NSF: variants seen among roughly 807,000 people sequenced by gnomAD.
NSF encodes the protein N-ethylmaleimide sensitive factor, vesicle fusing ATPase, also known as vesicle-fusing ATPase.
NSF carries 14 observed loss-of-function variants against 50.3 expected under a neutral mutation model. The ratio of observed to expected loss-of-function variants is 0.28; its 90% confidence interval spans 0.18 to 0.44. The LOEUF (loss-of-function observed/expected upper bound fraction) is 0.44. Among genes scored for constraint, NSF ranks in the 20% least tolerant of loss-of-function variants. The probability of loss-of-function intolerance (pLI) is 1.00; values close to 1 mark genes in which losing one functional copy is unlikely to be tolerated. For missense variants in NSF, 218 were observed against 504.3 expected (o/e 0.43, Z 5.44); for synonymous variants, 109 against 175.7 (o/e 0.62, Z 3.00).
intron 15 of NSF, among the ~76,000 whole-genome samples, chr17:46,725,185 A>G (rs909230979): frequency 6.6e-6 from 1 of 152,212 alleles, no homozygotes; most frequent in Admixed American, 6.5e-5. Context: ...TTATGGCAAG[A>G]TGGAATTGGA....
chr17:46,752,294 A>C (rs1449904567), intron 19 of NSF, among the ~76,000 whole-genome samples: 1 of 152,064 alleles, frequency 6.6e-6, no homozygotes, highest in African/African-American at 2.4e-5. Context: ...CCACCCTTCC[A>C]TGTGCCCATG....
intron 19 of NSF, among the ~76,000 whole-genome samples, chr17:46,752,630 A>AT (rs1199056310): frequency 2.6e-5 from 4 of 151,922 alleles, no homozygotes; most frequent in Non-Finnish European, 5.9e-5. Context: ...TAATTTTTGT[A>AT]TTTTTTGTAG....
chr17:46,731,548 T>C (rs2058948951), intron 17 of NSF, among the ~76,000 whole-genome samples: 1 of 152,176 alleles, frequency 6.6e-6, no homozygotes. Context: ...GCTACTTAAA[T>C]GATGAAAGGA....
intron 9 of NSF, among the ~76,000 whole-genome samples, chr17:46,685,511 A>G (rs2058489196): frequency 6.6e-6 from 1 of 151,974 alleles, no homozygotes; most frequent in Non-Finnish European, 1.5e-5. Context: ...TTAAATATAG[A>G]ACAGCCGCTT....
At chr17:46,712,848 A>T in intron 14 of NSF, among the ~76,000 whole-genome samples, 1 of 152,192 alleles carries the variant, frequency 6.6e-6, no homozygotes, top group Non-Finnish European at 1.5e-5. Flanking sequence ...TGTGTGTTAC[A>T]GAAGCCAAGA....
At chr17:46,718,544 A>C (rs1056484211) in intron 15 of NSF, among the ~76,000 whole-genome samples, 1 of 152,216 alleles carries the variant, frequency 6.6e-6, no homozygotes, top group Non-Finnish European at 1.5e-5. Context: ...AAATTTATAT[A>C]AAAACAGTAT....
chr17:46,743,412 C>T (rs921419562), intron 17 of NSF, among the ~76,000 whole-genome samples: 2 of 152,166 alleles, frequency 1.3e-5, no homozygotes, highest in Non-Finnish European at 2.9e-5. Context: ...GAGACCCCGC[C>T]TCAGGAATCT....
intron 17 of NSF, among the ~76,000 whole-genome samples, chr17:46,745,060 G>A (rs573170679): frequency 1.3e-5 from 2 of 150,250 alleles, no homozygotes; most frequent in Admixed American, 1.3e-4. Context: ...TTTGCTTTCC[G>A]TCAAGGGGCA....
chr17:46,667,411 G>C (rs1164218545), intron 8 of NSF, among the ~76,000 whole-genome samples: 1 of 145,726 alleles, frequency 6.9e-6, no homozygotes, highest in South Asian at 2.2e-4. Flanking sequence ...ATACTAAAAT[G>C]TACTTTTTAT....
chr17:46,751,358 G>C lies in NSF; in HGVS notation c.2044-145G>C, dbSNP rs2059180151. ...AATGGGTTTAGGATGGTGAAGGTCA[G>C]ACTGGATTTTAAAGTAGGAGAGAAT... On this transcript the variant is annotated intron_variant, in intron 18 of 20. Coordinates refer to ENST00000398238, the MANE Select transcript of NSF (RefSeq NM_006178.4). 4.6e-6 allele frequency: 3 copies of C among 648,240 alleles called. No individual in the cohort carries two copies. The African/African-American group carries it at 5.4e-5, about 12-fold the overall frequency. The allele number at this position is 648,240 out of a possible 1,614,324, so 40.2% of individuals were successfully genotyped here. A position where few individuals can be genotyped will look rare whatever the true frequency, so the allele number is the denominator to read the frequency against.
chr17:46,709,170 A>C (rs999019414), intron 13 of NSF, among the ~76,000 whole-genome samples: 2 of 152,090 alleles, frequency 1.3e-5, no homozygotes, highest in African/African-American at 2.4e-5. Flanking sequence ...ATCTCCTTTA[A>C]AGACAAAAGC....
chr17:46,717,209 C>T (rs2146273181), intron 15 of NSF, among the ~76,000 whole-genome samples: 1 of 152,232 alleles, frequency 6.6e-6, no homozygotes, highest in Non-Finnish European at 1.5e-5. Flanking sequence ...GATGAAGGAC[C>T]TGGAAGACCT....
At chr17:46,727,105 T>C (rs2058896631) in intron 16 of NSF, among the ~76,000 whole-genome samples, 1 of 152,182 alleles carries the variant, frequency 6.6e-6, no homozygotes, top group Admixed American at 6.6e-5. Flanking sequence ...CTCTTGCTTA[T>C]CCCACAGAGT....
chr17:46,734,755 GT>G (rs1436563248), intron 17 of NSF, among the ~76,000 whole-genome samples: 1 of 152,086 alleles, frequency 6.6e-6, no homozygotes, highest in Non-Finnish European at 1.5e-5. Context: ...AATTTCAAAT[GT>G]ATCAAAAACA....
chr17:46,709,449 T>G (rs1187391642), intron 13 of NSF, among the ~76,000 whole-genome samples: 1 of 152,044 alleles, frequency 6.6e-6, no homozygotes, highest in African/African-American at 2.4e-5. Context: ...CTGTGAGGCT[T>G]GGAGTATATA....
At chr17:46,752,836 G>A (rs923846412) in intron 19 of NSF, among the ~76,000 whole-genome samples, 2 of 151,772 alleles carry the variant, frequency 1.3e-5, no homozygotes, top group Admixed American at 6.6e-5. Context: ...GCATGATCTC[G>A]GCTCACTGCA....
chr17:46,743,317 G>A (rs1179775717), intron 17 of NSF, among the ~76,000 whole-genome samples: 1 of 152,214 alleles, frequency 6.6e-6, no homozygotes, highest in Non-Finnish European at 1.5e-5. Context: ...ACCACAGGCA[G>A]AGGACTATTC....
intron 4 of NSF, among the ~76,000 whole-genome samples, chr17:46,633,956 C>G (rs1185521196): frequency 1.9e-5 from 1 of 52,146 alleles, no homozygotes; most frequent in Non-Finnish European, 3.1e-5. Context: ...ACTGCAGCCT[C>G]GCCTCCCAGG....
At chr17:46,752,032 C>T (rs2059186179) in intron 19 of NSF, among the ~76,000 whole-genome samples, 1 of 152,166 alleles carries the variant, frequency 6.6e-6, no homozygotes, top group Non-Finnish European at 1.5e-5. Context: ...TAAGCGACTG[C>T]ACATATACCA....
Sources: allele counts gnomAD v4.1 joint callset (sites outside exome capture counted in the v4.1 genomes callset), GRCh38; gene constraint gnomAD v4.1.1; transcripts MANE v1.5; gene names NCBI Gene and HGNC (gene_info 2026-07-23, HGNC 2026-07-21).